The following SGCE variants were observed in gnomAD, a reference collection of about 807,000 sequenced individuals.
The protein encoded by SGCE is sarcoglycan epsilon.
In SGCE, 26 loss-of-function variants were observed where a neutral mutation model predicts 57.8. The observed-to-expected ratio is 0.45, with a 90% CI of 0.33 to 0.62. The LOEUF is 0.62. SGCE is among the 20% of genes least tolerant of loss of function. The pLI is 0.02. For synonymous variants in SGCE, 183 were observed against 189.5 expected, an observed-to-expected ratio of 0.97 and a Z score of 0.28; for missense variants, 468 against 548.6, an observed-to-expected ratio of 0.85 and a Z score of 1.47.
At chr7:94,630,436 A>G (rs756350457) in intron 1 of SGCE, among the ~76,000 whole-genome samples, 1 of 151,804 alleles carries the variant, frequency 6.6e-6, no homozygotes, top group African/African-American at 2.4e-5. Flanking sequence ...GATTTATTCA[A>G]TTTTCTCTGA....
intron 5 of SGCE, among the ~76,000 whole-genome samples, chr7:94,606,701 T>C (rs1403695239): frequency 6.6e-6 from 1 of 152,142 alleles, no homozygotes; most frequent in East Asian, 1.9e-4. Context: ...ATGAAACATT[T>C]AGCAACATTC....
intron 1 of SGCE, among the ~76,000 whole-genome samples, chr7:94,650,522 A>T (rs1310852029): frequency 1.3e-5 from 2 of 152,216 alleles, no homozygotes; most frequent in African/African-American, 4.8e-5. Flanking sequence ...GGTGTGTGTT[A>T]AATTACCCTG....
chr7:94,618,945 G>A lies in SGCE; in HGVS notation c.475C>T (p.Pro159Ser), dbSNP rs1802351511. ...NIMSAEDFPL[P>S]YQAEFFIKNM... ...TTAATGAAGAATTCTGCTTGATATG[G>A]CAACGGGAAGTCTAATTTTGGTGAA... Residue 159 changes from proline to serine, a missense_variant, in exon 5 of 11, where the codon CCA becomes TCA. Pro to Ser is a moderately conservative substitution (Grantham distance 74). Transcript: ENST00000648936. The A allele has an allele frequency of 6.2e-7, 1 of 1,612,242 alleles. No individual in the cohort carries two copies. The highest frequency in any genetic ancestry group is 1.3e-5 in the African/African-American group (1 of 74,950).
chr7:94,596,456 C>G (rs778240727), intron 9 of SGCE, among the ~76,000 whole-genome samples: 1 of 152,096 alleles, frequency 6.6e-6, no homozygotes, highest in Non-Finnish European at 1.5e-5. Context: ...CTCTAAAATT[C>G]TACAGCACTG....
chr7:94,651,135 T>C (rs1464313154), intron 1 of SGCE, among the ~76,000 whole-genome samples: 1 of 152,180 alleles, frequency 6.6e-6, no homozygotes, highest in African/African-American at 2.4e-5. Context: ...TAACCTTCAT[T>C]TTCCTAAAGA....
chr7:94,640,379 T>C (rs1419470610), intron 1 of SGCE, among the ~76,000 whole-genome samples: 4 of 152,196 alleles, frequency 2.6e-5, no homozygotes, highest in African/African-American at 4.8e-5. Context: ...GGCTCTTACA[T>C]AGAAAGTGAT....
At chr7:94,590,778 C>T (rs892049528) in intron 9 of SGCE, 3 of 152,096 alleles carry the variant, frequency 2.0e-5, no homozygotes, top group Admixed American at 1.3e-4. Context: ...CATGCTGGCC[C>T]CTACAGCAAT....
At chr7:94,612,439 G>A (rs1371598261) in intron 5 of SGCE, among the ~76,000 whole-genome samples, 1 of 151,936 alleles carries the variant, frequency 6.6e-6, no homozygotes, top group Non-Finnish European at 1.5e-5. Context: ...TTTGTATCCT[G>A]CTTTTTCACT....
At chr7:94,652,731 T>TA (rs1808076581) in intron 1 of SGCE, among the ~76,000 whole-genome samples, 2 of 152,276 alleles carry the variant, frequency 1.3e-5, no homozygotes, top group African/African-American at 2.4e-5. Context: ...CAAACTGTTG[T>TA]AAAAATGGAT....
At chr7:94,585,691 A>T (rs1796799672) in intron 10 of SGCE, among the ~76,000 whole-genome samples, 176 bp from the exon 11 acceptor site, 1 of 152,190 alleles carries the variant, frequency 6.6e-6, no homozygotes, top group Non-Finnish European at 1.5e-5. Flanking sequence ...AAAACAAAAG[A>T]AAAAATTCTA....
At chr7:94,606,443 GT>G (rs1219899667) in intron 5 of SGCE, among the ~76,000 whole-genome samples, 6 of 152,162 alleles carry the variant, frequency 3.9e-5, no homozygotes, top group Non-Finnish European at 4.4e-5. Flanking sequence ...TCCTTAATGT[GT>G]ATATGCCTCA....
intron 1 of SGCE, among the ~76,000 whole-genome samples, chr7:94,639,731 C>A (rs1180855916): frequency 1.3e-5 from 2 of 152,100 alleles, no homozygotes; most frequent in Admixed American, 6.5e-5. Flanking sequence ...TACACACACA[C>A]ATATATAATA....
chr7:94,602,993 C>T (rs1420057611), intron 6 of SGCE, among the ~76,000 whole-genome samples: 2 of 152,156 alleles, frequency 1.3e-5, no homozygotes, highest in African/African-American at 4.8e-5. Context: ...CATACTAACT[C>T]CACTATCTGT....
chr7:94,598,840 T>A lies in SGCE; in HGVS notation c.1188A>T (p.Glu396Asp), dbSNP rs755528173. 1 of 1,613,272 alleles carries A rather than the reference T, an allele frequency of 6.2e-7. No homozygotes were observed. The highest frequency in any genetic ancestry group is 8.5e-7 in the Non-Finnish European group (1 of 1,179,310). Residue 396 changes from glutamate to aspartate, a missense_variant, in exon 9 of 11, where the codon GAA becomes GAT. Transcript: ENST00000648936. ...TGTCTGTGTGTAAAGGAGGTATGAT[T>A]TCCCCAGTCACAGGGTGGAACACAG... ...TLPVFHPVTG[E>D]IIPPLHTDNY...
At chr7:94,653,366 G>A (rs1292580128) in intron 1 of SGCE, among the ~76,000 whole-genome samples, 2 of 151,904 alleles carry the variant, frequency 1.3e-5, no homozygotes, top group African/African-American at 4.8e-5. Context: ...GTCTAAATAC[G>A]AAGCCCAGTT....
At chr7:94,586,154 G>C (rs1027221595) in intron 10 of SGCE, among the ~76,000 whole-genome samples, 1 of 149,682 alleles carries the variant, frequency 6.7e-6, no homozygotes, top group African/African-American at 2.5e-5. Flanking sequence ...AAATTACTTG[G>C]TATCCAAGAC....
Position 94,608,825 on chromosome 7 carries a change from GAC to G in SGCE, c.663-5375_663-5374del, listed in dbSNP as rs571933875. ...AGCAAAGGCAATACAATGGAGGAAAGACAGTCTTTTGAACAAATGGTGTTGAA... is the reference window on the plus strand; with the variant it reads ...AGCAAAGGCAATACAATGGAGGAAAGAGTCTTTTGAACAAATGGTGTTGAA... On this transcript the variant is annotated intron_variant, in intron 5 of 10. Transcript: ENST00000648936. 3.0e-4 allele frequency among the ~76,000 whole-genome samples: 45 copies of G among 152,302 alleles called. No homozygotes were observed. In the South Asian group the frequency reaches 9.1e-3, roughly 31 times the overall value.
At chr7:94,587,483 T>G in intron 10 of SGCE, 2 of 1,264,336 alleles carry the variant, frequency 1.6e-6, no homozygotes, top group East Asian at 3.2e-5. Flanking sequence ...GTTCTATCAT[T>G]TCTATCGTAG....
intron 1 of SGCE, among the ~76,000 whole-genome samples, chr7:94,655,149 C>A (rs1808421769): frequency 6.6e-6 from 1 of 152,204 alleles, no homozygotes; most frequent in Non-Finnish European, 1.5e-5. Context: ...CATTCATTCA[C>A]CCTACAAGAT....
Sources: gnomAD v4.1 joint callset for allele counts (sites outside exome capture counted in the v4.1 genomes callset) on GRCh38, gnomAD v4.1.1 for gene constraint, MANE v1.5 for transcripts, NCBI Gene and HGNC (gene_info 2026-07-23, HGNC 2026-07-21) for gene names.